IKBKB-DT: variants seen among roughly 807,000 people sequenced by gnomAD.
IKBKB-DT encodes the protein IKBKB antisense RNA.
At chr8:42,234,544 G>A (rs866247425) in intron 3 of IKBKB-DT, among the ~76,000 whole-genome samples, 28 of 152,320 alleles carry the variant, frequency 1.8e-4, no homozygotes, top group Middle Eastern at 3.4e-3. Context: ...GCATTTGCCT[G>A]TAGCCTCACA....
intron 3 of IKBKB-DT, among the ~76,000 whole-genome samples, chr8:42,252,848 T>C (rs547181587): frequency 6.6e-6 from 1 of 152,346 alleles, no homozygotes; most frequent in East Asian, 1.9e-4. Context: ...GGGTTTTATT[T>C]AACCCTATGT....
intron 3 of IKBKB-DT, among the ~76,000 whole-genome samples, chr8:42,248,108 AAG>A (rs1367346818): frequency 6.6e-6 from 1 of 151,972 alleles, no homozygotes; most frequent in African/African-American, 2.4e-5. Flanking sequence ...AAAAAAAAAA[AAG>A]AAAGTGTCTT....
intron 3 of IKBKB-DT, among the ~76,000 whole-genome samples, chr8:42,250,980 C>T (rs1177597651): frequency 6.6e-6 from 1 of 152,184 alleles, no homozygotes; most frequent in East Asian, 1.9e-4. Context: ...CACCTGTAAT[C>T]CCAGCACTTT....
chr8:42,264,049 T>G (rs1807333804), intron 2 of IKBKB-DT, among the ~76,000 whole-genome samples: 3 of 151,678 alleles, frequency 2.0e-5, no homozygotes, highest in Admixed American at 2.0e-4. Flanking sequence ...TGACCTCAGG[T>G]GATCCACCTG....
At chr8:42,235,393 T>G (rs1269583787) in intron 3 of IKBKB-DT, among the ~76,000 whole-genome samples, 1 of 151,598 alleles carries the variant, frequency 6.6e-6, no homozygotes, top group Non-Finnish European at 1.5e-5. Flanking sequence ...TTTACTAGAG[T>G]CAGGGTTTCT....
chr8:42,262,459 A>ATTTATTTATTTAT (rs534661232), intron 3 of IKBKB-DT, among the ~76,000 whole-genome samples: 3,207 of 124,040 alleles, frequency 0.026, 122 homozygotes, highest in African/African-American at 0.13. Context: ...TATTTATTTA[A>ATTTATTTATTTAT]GACAGAGTCT....
At chr8:42,268,775 C>T (rs1251505129) in intron 1 of IKBKB-DT, among the ~76,000 whole-genome samples, 2 of 151,870 alleles carry the variant, frequency 1.3e-5, no homozygotes, top group African/African-American at 4.8e-5. Flanking sequence ...CCATGTTGGC[C>T]AGGCTGGTCT....
Position 42,237,180 on chromosome 8 carries a change from G to A in IKBKB-DT, n.1530-3321C>T, listed in dbSNP as rs183658752. The stretch of plus-strand genomic sequence containing the variant: ...CGGCTTGCTGCAATCTCCGCCTCCC[G>A]GGTTCAAGCGATCCTCCTGCCTTAG... On this transcript the variant is annotated intron_variant and non_coding_transcript_variant, in intron 3 of 3. Transcript: ENST00000518213. Among the ~76,000 whole-genome samples, 24 of 151,952 alleles carry A rather than the reference G, an allele frequency of 1.6e-4. No homozygotes were observed. In the East Asian group the frequency reaches 3.7e-3, roughly 23 times the overall value.
chr8:42,239,677 CTCT>C (rs1309104890), intron 3 of IKBKB-DT, among the ~76,000 whole-genome samples: 1 of 63,990 alleles, frequency 1.6e-5, no homozygotes, highest in East Asian at 5.0e-4. Flanking sequence ...TGGAGTTTTG[CTCT>C]TCTTGCCGAG....
intron 3 of IKBKB-DT, among the ~76,000 whole-genome samples, chr8:42,251,061 GAGACCAGCCTGGC>G (rs1807123504): frequency 1.6e-5 from 2 of 128,080 alleles, no homozygotes; most frequent in African/African-American, 8.4e-5. Flanking sequence ...CCTGGCCAAC[GAGACCAGCCTGGC>G]CAACATGGTG....
chr8:42,248,578 C>CT (rs1807090771), intron 3 of IKBKB-DT, among the ~76,000 whole-genome samples: 1 of 151,706 alleles, frequency 6.6e-6, no homozygotes, highest in African/African-American at 2.4e-5. Flanking sequence ...GTGGGTATGC[C>CT]TTTTTTTAAG....
chr8:42,251,921 T>C lies in IKBKB-DT; in HGVS notation n.1529+11408A>G, dbSNP rs535459725. On this transcript the variant is annotated intron_variant and non_coding_transcript_variant, in intron 3 of 3. Coordinates refer to ENST00000518213, the Ensembl canonical transcript of IKBKB-DT. ...TACAGGTCTGCAGCAACCTCATTTC[T>C]TGCCTCTTCAGAGGAAAGAATTCAT... Among the ~76,000 whole-genome samples the C allele has an allele frequency of 8.5e-5, 13 of 152,244 alleles. No homozygotes were observed. The East Asian group carries it at 2.3e-3, about 27-fold the overall frequency.
chr8:42,256,142 ATAAATG>A (rs1159906731), intron 3 of IKBKB-DT, among the ~76,000 whole-genome samples: 2 of 152,164 alleles, frequency 1.3e-5, no homozygotes, highest in Non-Finnish European at 2.9e-5. Context: ...AGAAAAAAGG[ATAAATG>A]TTTCAATTCT....
intron 3 of IKBKB-DT, among the ~76,000 whole-genome samples, chr8:42,234,895 G>A (rs911397031): frequency 5.3e-5 from 8 of 152,210 alleles, no homozygotes; most frequent in African/African-American, 1.9e-4. Flanking sequence ...CTCCCAAAGT[G>A]CTGGGATTAC....
chr8:42,246,226 C>T (rs1297756933), intron 3 of IKBKB-DT, among the ~76,000 whole-genome samples: 1 of 152,088 alleles, frequency 6.6e-6, no homozygotes, highest in East Asian at 1.9e-4. Context: ...CAGGGTCTCA[C>T]TATGTTGTCC....
At chr8:42,262,770 T>C (rs1342260820) in intron 3 of IKBKB-DT, among the ~76,000 whole-genome samples, 2 of 148,912 alleles carry the variant, frequency 1.3e-5, no homozygotes, top group Non-Finnish European at 3.0e-5. Context: ...CAGGGTCTCA[T>C]GCTCATTGCC....
At chr8:42,245,520 G>T (rs1026687160) in intron 3 of IKBKB-DT, among the ~76,000 whole-genome samples, 1 of 152,304 alleles carries the variant, frequency 6.6e-6, no homozygotes, top group East Asian at 1.9e-4. Context: ...GCCTTTGAGC[G>T]GTGGAGAATC....
intron 3 of IKBKB-DT, among the ~76,000 whole-genome samples, chr8:42,243,205 A>C (rs1807025122): frequency 6.6e-6 from 1 of 152,028 alleles, no homozygotes; most frequent in East Asian, 1.9e-4. Flanking sequence ...AGGTGGGGAG[A>C]GAGTTTTGTA....
intron 3 of IKBKB-DT, among the ~76,000 whole-genome samples, chr8:42,245,620 G>A (rs1379785564): frequency 2.6e-5 from 4 of 152,150 alleles, no homozygotes; most frequent in Non-Finnish European, 1.5e-5. Context: ...ATCCTGTCTC[G>A]AGGGGCTCAT....
Sources: gnomAD v4.1 joint callset for allele counts (sites outside exome capture counted in the v4.1 genomes callset) on GRCh38, gnomAD v4.1.1 for gene constraint, MANE v1.5 for transcripts, NCBI Gene and HGNC (gene_info 2026-07-23, HGNC 2026-07-21) for gene names.